Variants in CNTN4 observed in about 807,000 individuals in gnomAD.
The protein encoded by CNTN4 is contactin-4.
CNTN4 carries 77 observed loss-of-function variants against 122.5 expected under a neutral mutation model. The observed-to-expected ratio is 0.63, with a 90% CI of 0.52 to 0.76. The LOEUF (loss-of-function observed/expected upper bound fraction) is 0.76. Among genes scored for constraint, CNTN4 ranks in the 30% least tolerant of loss-of-function variants. CNTN4 has a pLI of 0.00. For missense variants in CNTN4, 1,256 were observed against 1,259.1 expected, an observed-to-expected ratio of 1.00 and a Z score of 0.04; for synonymous variants, 512 against 447.0, an observed-to-expected ratio of 1.15 and a Z score of -1.83.
chr3:2,386,140 A>T (rs923921162), intron 3 of CNTN4, among the ~76,000 whole-genome samples: 2 of 152,090 alleles, frequency 1.3e-5, no homozygotes, highest in Non-Finnish European at 2.9e-5. Flanking sequence ...ATTTATCTTC[A>T]TATCTCATTG....
At chr3:2,589,125 C>A (rs558059951) in intron 4 of CNTN4, among the ~76,000 whole-genome samples, 1 of 152,256 alleles carries the variant, frequency 6.6e-6, no homozygotes, top group East Asian at 1.9e-4. Flanking sequence ...CCAGATTAAC[C>A]CCTGAACTGC....
At chr3:2,436,900 A>G (rs1357210659) in intron 3 of CNTN4, among the ~76,000 whole-genome samples, 1 of 151,440 alleles carries the variant, frequency 6.6e-6, no homozygotes. Context: ...TAGATTGAAA[A>G]TAAAATATAT....
At position 2,314,839 on chromosome 3, in the gene CNTN4, T is replaced by A. The variant is rs2043038618; in HGVS notation, c.-144-24339T>A. Among the ~76,000 whole-genome samples the A allele has an allele frequency of 2.0e-5, 3 of 151,940 alleles. No homozygotes were observed. In the South Asian group the frequency reaches 6.2e-4, roughly 31 times the overall value. ...GACATATCAATTAAGCAGCAAAATATGAACAATCAATTTTGAAGAATAAGA... is the reference window on the plus strand; with the variant it reads ...GACATATCAATTAAGCAGCAAAATAAGAACAATCAATTTTGAAGAATAAGA... On this transcript the variant is annotated intron_variant, in intron 2 of 24. Coordinates refer to ENST00000418658, the MANE Select transcript of CNTN4 (RefSeq NM_175607.3).
At chr3:2,754,547 T>A (rs1163604991) in intron 6 of CNTN4, among the ~76,000 whole-genome samples, 1 of 152,088 alleles carries the variant, frequency 6.6e-6, no homozygotes, top group Non-Finnish European at 1.5e-5. Context: ...ACACCATTCA[T>A]GCCCTACATC....
chr3:2,491,921 G>C (rs1464705568), intron 3 of CNTN4, among the ~76,000 whole-genome samples: 1 of 151,608 alleles, frequency 6.6e-6, no homozygotes, highest in African/African-American at 2.4e-5. Flanking sequence ...TTTTTACTTT[G>C]TTTCATAAAT....
At chr3:2,458,465 A>G (rs998605364) in intron 3 of CNTN4, among the ~76,000 whole-genome samples, 1 of 152,166 alleles carries the variant, frequency 6.6e-6, no homozygotes, top group African/African-American at 2.4e-5. Flanking sequence ...TCAGATATGT[A>G]TAATTGAGTT....
At chr3:2,177,656 T>TTGTGTGTGTGTG (rs60145608) in intron 2 of CNTN4, among the ~76,000 whole-genome samples, 49 of 147,548 alleles carry the variant, frequency 3.3e-4, no homozygotes, top group Admixed American at 1.4e-3. Context: ...GTGTGTGTGT[T>TTGTGTGTGTGTG]TGTGTGTGTG....
chr3:2,898,645 C>T (rs1441176189), intron 10 of CNTN4, among the ~76,000 whole-genome samples: 8 of 152,168 alleles, frequency 5.3e-5, no homozygotes, highest in African/African-American at 1.9e-4. Context: ...ACATTGAAAT[C>T]TCTCTCTCTG....
chr3:2,314,209 A>G (rs978023842), intron 2 of CNTN4, among the ~76,000 whole-genome samples: 3 of 151,952 alleles, frequency 2.0e-5, no homozygotes, highest in African/African-American at 7.2e-5. Flanking sequence ...TTTCAATAAA[A>G]TGGGAAGGTT....
chr3:2,188,822 T>C (rs549569322), intron 2 of CNTN4, among the ~76,000 whole-genome samples: 1 of 152,240 alleles, frequency 6.6e-6, no homozygotes, highest in Non-Finnish European at 1.5e-5. Context: ...TTACATTGAA[T>C]AAACAAAGGG....
chr3:2,875,012 T>C (rs1236350173), intron 8 of CNTN4, among the ~76,000 whole-genome samples: 1 of 152,198 alleles, frequency 6.6e-6, no homozygotes, highest in Admixed American at 6.5e-5. Context: ...AGATAGAGTC[T>C]GTCTCTGTCA....
At chr3:2,874,946 T>C (rs1294224279) in intron 8 of CNTN4, among the ~76,000 whole-genome samples, 2 of 152,118 alleles carry the variant, frequency 1.3e-5, no homozygotes, top group East Asian at 3.8e-4. Context: ...TCTCTATCAT[T>C]TTTGCTGTTA....
chr3:2,237,119 T>C (rs1227551260), intron 2 of CNTN4, among the ~76,000 whole-genome samples: 4 of 152,070 alleles, frequency 2.6e-5, no homozygotes, highest in African/African-American at 7.2e-5. Flanking sequence ...CAGTGAAGCA[T>C]CTTAAGAGGG....
At chr3:2,362,319 G>T in intron 3 of CNTN4, 1 of 235,724 alleles carries the variant, frequency 4.2e-6, no homozygotes, top group South Asian at 4.9e-5. Flanking sequence ...GGCGGCCCCA[G>T]GGCTGCGCGG....
chr3:2,449,981 TGTCA>T (rs756661257), intron 3 of CNTN4, among the ~76,000 whole-genome samples: 2 of 152,294 alleles, frequency 1.3e-5, no homozygotes, highest in Non-Finnish European at 2.9e-5. Context: ...GGGTATAGAC[TGTCA>T]GTCAGGCAAG....
At chr3:2,615,347 A>G (rs896823199) in intron 4 of CNTN4, among the ~76,000 whole-genome samples, 1 of 152,204 alleles carries the variant, frequency 6.6e-6, no homozygotes, top group Admixed American at 6.5e-5. Context: ...GCTTAATTAA[A>G]CCTTGCAGGT....
chr3:2,341,209 C>T (rs2044198483), intron 3 of CNTN4, among the ~76,000 whole-genome samples: 1 of 152,092 alleles, frequency 6.6e-6, no homozygotes, highest in African/African-American at 2.4e-5. Flanking sequence ...TTCTTTGATC[C>T]TATTCATTCA....
intron 3 of CNTN4, among the ~76,000 whole-genome samples, chr3:2,361,591 C>T (rs6442726): frequency 0.71 from 108,684 of 152,144 alleles, 39,462 homozygotes; most frequent in East Asian, 0.85. Flanking sequence ...AGAAATTGAT[C>T]ACCTAATGTG....
intron 4 of CNTN4, among the ~76,000 whole-genome samples, chr3:2,573,137 G>A (rs906493321): frequency 1.3e-5 from 2 of 152,196 alleles, no homozygotes; most frequent in African/African-American, 4.8e-5. Flanking sequence ...CCTGTTCATA[G>A]CGTATGGTCT....
Sources: allele counts gnomAD v4.1 joint callset (sites outside exome capture counted in the v4.1 genomes callset), GRCh38; gene constraint gnomAD v4.1.1; transcripts MANE v1.5; gene names NCBI Gene and HGNC (gene_info 2026-07-23, HGNC 2026-07-21).